The following SGCD variants were observed in gnomAD, a reference collection of about 807,000 sequenced individuals.
SGCD encodes delta-sarcoglycan.
Under a neutral mutation model 36.6 loss-of-function variants are expected in SGCD, and 18 were observed. The ratio of observed to expected loss-of-function variants is 0.49; its 90% confidence interval spans 0.34 to 0.73. The LOEUF is 0.73. SGCD is among the 30% of genes least tolerant of loss of function. SGCD has a pLI of 0.01. For missense variants in SGCD, 387 were observed against 346.7 expected (o/e 1.12, Z -0.92); for synonymous variants, 133 against 130.6 (o/e 1.02, Z -0.12).
chr5:156,323,923 C>T (rs1488984833), upstream of SGCD, among the ~76,000 whole-genome samples: 1 of 152,188 alleles, frequency 6.6e-6, no homozygotes, highest in African/African-American at 2.4e-5. Context: ...GCAGTGCCTA[C>T]ATAGTTTGAG....
At chr5:156,673,283 G>A (rs32082) in intron 7 of SGCD, among the ~76,000 whole-genome samples, 139,474 of 152,282 alleles carry the variant, frequency 0.92, 64,018 homozygotes, top group East Asian at 0.99. Context: ...TATCATTTCC[G>A]AAAGAGAATA....
At chr5:156,065,364 T>C (rs1760313927) in intron 1 of SGCD, among the ~76,000 whole-genome samples, 1 of 119,798 alleles carries the variant, frequency 8.3e-6, no homozygotes, top group Non-Finnish European at 1.7e-5. Flanking sequence ...AACTATGTGG[T>C]CAATTTTGGA....
chr5:156,569,309 C>T (rs1003701802), intron 4 of SGCD, among the ~76,000 whole-genome samples: 2 of 151,910 alleles, frequency 1.3e-5, no homozygotes, highest in East Asian at 3.9e-4. Flanking sequence ...AATAGACAAT[C>T]AGCCGGGCAT....
At chr5:155,876,510 G>T (rs972340073) in intron 1 of SGCD, among the ~76,000 whole-genome samples, 2 of 152,030 alleles carry the variant, frequency 1.3e-5, no homozygotes, top group Non-Finnish European at 2.9e-5. Flanking sequence ...GTGGGAAGGA[G>T]AATGTTGGAA....
At chr5:156,454,143 G>T (rs1336214240) in intron 3 of SGCD, among the ~76,000 whole-genome samples, 1 of 152,116 alleles carries the variant, frequency 6.6e-6, no homozygotes, top group African/African-American at 2.4e-5. Flanking sequence ...TTAAAGGAAG[G>T]ATATCTGCAT....
chr5:156,744,679 T>C (rs1237406034), intron 7 of SGCD, among the ~76,000 whole-genome samples: 7 of 152,228 alleles, frequency 4.6e-5, no homozygotes, highest in Admixed American at 3.3e-4. Flanking sequence ...ATCTGTCTCA[T>C]TCATAGATGT....
intron 5 of SGCD, among the ~76,000 whole-genome samples, chr5:156,589,892 C>A (rs1234865195): frequency 2.0e-5 from 3 of 152,172 alleles, no homozygotes; most frequent in Admixed American, 2.0e-4. Flanking sequence ...AAAGCACCCA[C>A]TGTGTTTTAA....
At chr5:156,725,931 T>C (rs1329353464) in intron 7 of SGCD, among the ~76,000 whole-genome samples, 1 of 152,274 alleles carries the variant, frequency 6.6e-6, no homozygotes, top group Non-Finnish European at 1.5e-5. Context: ...TTCTCCTTGA[T>C]AGTTTATTAC....
chr5:155,975,609 C>A (rs1372495544), intron 1 of SGCD, among the ~76,000 whole-genome samples: 4 of 28,006 alleles, frequency 1.4e-4, no homozygotes, highest in East Asian at 1.3e-3. Context: ...TCTTTCTTTC[C>A]TTTTTTTTTT....
At chr5:155,973,304 T>G (rs1758043269) in intron 1 of SGCD, among the ~76,000 whole-genome samples, 1 of 152,218 alleles carries the variant, frequency 6.6e-6, no homozygotes, top group East Asian at 1.9e-4. Flanking sequence ...TCTAACCATT[T>G]AAAATTAGTC....
At chr5:156,029,783 C>T (rs1759302964) in intron 1 of SGCD, among the ~76,000 whole-genome samples, 1 of 152,178 alleles carries the variant, frequency 6.6e-6, no homozygotes, top group Admixed American at 6.5e-5. Context: ...GCTATGCCAA[C>T]ACAGAATTTT....
At chr5:156,090,410 C>T (rs966502406) in intron 1 of SGCD, among the ~76,000 whole-genome samples, 14 of 152,212 alleles carry the variant, frequency 9.2e-5, no homozygotes, top group African/African-American at 3.4e-4. Flanking sequence ...ATTGGTAGGA[C>T]TGTGATGGCG....
chr5:156,276,486 C>T (rs1181317425), intron 3 of SGCD, among the ~76,000 whole-genome samples: 1 of 152,158 alleles, frequency 6.6e-6, no homozygotes, highest in African/African-American at 2.4e-5. Flanking sequence ...CCCTTCAGTG[C>T]TTCAGGAATA....
chr5:156,553,018 C>T (rs1223497143), intron 4 of SGCD, among the ~76,000 whole-genome samples: 2 of 152,204 alleles, frequency 1.3e-5, no homozygotes, highest in Non-Finnish European at 2.9e-5. Context: ...TGAGCATCTG[C>T]CTCAGGTATG....
intron 3 of SGCD, among the ~76,000 whole-genome samples, chr5:156,376,790 G>C (rs941705457): frequency 6.5e-4 from 99 of 151,966 alleles, no homozygotes; most frequent in African/African-American, 2.3e-3. Flanking sequence ...AATTTACCAG[G>C]GAATTAACAA....
At chr5:156,616,879 G>A (rs1038761612) in intron 6 of SGCD, among the ~76,000 whole-genome samples, 5 of 152,168 alleles carry the variant, frequency 3.3e-5, no homozygotes, top group African/African-American at 1.2e-4. Flanking sequence ...AAGTCTGTCT[G>A]TGGTTGCTTT....
intron 8 of SGCD, 150 bp downstream of exon 8, chr5:156,757,854 A>G: frequency 7.5e-7 from 1 of 1,340,478 alleles, no homozygotes; most frequent in Non-Finnish European, 9.6e-7. Context: ...ATTGAGCAGC[A>G]TGATTATAAG....
chr5:156,597,442 C>A (rs114429835), intron 6 of SGCD, among the ~76,000 whole-genome samples: 2 of 152,168 alleles, frequency 1.3e-5, no homozygotes, highest in African/African-American at 4.8e-5. Context: ...TGGAGGCAGG[C>A]AAGAGAGCAC....
chr5:156,322,623 A>C (rs945885694), upstream of SGCD, among the ~76,000 whole-genome samples: 1 of 152,252 alleles, frequency 6.6e-6, no homozygotes, highest in Admixed American at 6.5e-5. Context: ...TGGAGGTTAC[A>C]TTTAAAGGCT....
Sources: gnomAD v4.1 joint callset for allele counts (sites outside exome capture counted in the v4.1 genomes callset) on GRCh38, gnomAD v4.1.1 for gene constraint, MANE v1.5 for transcripts, NCBI Gene and HGNC (gene_info 2026-07-23, HGNC 2026-07-21) for gene names.